Variants in ABCB5 observed in about 807,000 individuals in gnomAD.
ABCB5 encodes the protein ATP-binding cassette sub-family B member 5.
Under a neutral mutation model 144.2 loss-of-function variants are expected in ABCB5, and 155 were observed. The observed-to-expected ratio is 1.08, with a 90% CI of 0.94 to 1.23. The LOEUF is 1.23. Ranked by LOEUF, ABCB5 falls within the 50% of genes most tolerant of loss-of-function variation. ABCB5 has a pLI of 0.00. For missense variants in ABCB5, 1,830 were observed against 1,520.8 expected (o/e 1.20, Z -3.38); for synonymous variants, 610 against 528.6 (o/e 1.15, Z -2.11).
At chr7:20,643,097 C>A in intron 5 of ABCB5, 87 bp from the exon 6 acceptor site, 1 of 1,171,562 alleles carries the variant, frequency 8.5e-7, no homozygotes, top group Non-Finnish European at 1.2e-6. Context: ...TAAATTTCCT[C>A]AATCAAATAC....
chr7:20,647,436 T>C, intron 9 of ABCB5, 99 bp from the exon 10 acceptor site: 1 of 1,413,784 alleles, frequency 7.1e-7, no homozygotes, highest in East Asian at 2.7e-5. Flanking sequence ...ATTCCTCTAA[T>C]ATCTCTCTGT....
chr7:20,707,133 A>T (rs1786851323), intron 20 of ABCB5, among the ~76,000 whole-genome samples: 1 of 152,166 alleles, frequency 6.6e-6, no homozygotes. Flanking sequence ...AATAAGTCAT[A>T]CTCATCTCAA....
chr7:20,751,895 G>T (rs1782941848), intron 26 of ABCB5, among the ~76,000 whole-genome samples: 1 of 152,218 alleles, frequency 6.6e-6, no homozygotes. Flanking sequence ...CGTCAGAGAA[G>T]ATATTTTTAC....
chr7:20,732,735 C>A (rs1246912767), intron 23 of ABCB5, among the ~76,000 whole-genome samples: 1 of 152,124 alleles, frequency 6.6e-6, no homozygotes, highest in African/African-American at 2.4e-5. Context: ...TCGAGGGCAA[C>A]CATTGATATA....
In ABCB5 at chr7:20,650,066, C is replaced by T. The variant is rs777696771; in HGVS notation, c.1251C>T (p.Val417=). ...TCAGAATTAAGTCTGGAGAGACAGT[C>T]GCCTTGGTCGGTCTCAATGGCAGTG... is the stretch of plus-strand genomic sequence containing the variant. ...LNLRIKSGET[V]ALVGLNGSGK... Residue 417 remains valine, a synonymous_variant, in exon 12 of 28, where the codon GTC becomes GTT. Transcript: ENST00000404938. The T allele has an allele frequency of 1.9e-5, 31 of 1,613,350 alleles. No individual in the cohort carries two copies. Among genetic ancestry groups the T allele is most frequent in the Non-Finnish European group, 2.5e-5 (29 of 1,179,624 alleles).
intron 11 of ABCB5, 131 bp downstream of exon 11, chr7:20,648,209 G>A: frequency 3.2e-6 from 2 of 621,172 alleles, no homozygotes; most frequent in Non-Finnish European, 5.7e-6. Flanking sequence ...GAGACTTGAG[G>A]AGGTAGATAA....
At chr7:20,675,345 A>G (rs1785567462) in intron 14 of ABCB5, among the ~76,000 whole-genome samples, 1 of 151,538 alleles carries the variant, frequency 6.6e-6, no homozygotes, top group Admixed American at 6.6e-5. Context: ...ATGTATGCAT[A>G]TATAATCAAC....
chr7:20,650,286 T>C, intron 12 of ABCB5, 139 bp downstream of exon 12: 1 of 1,143,726 alleles, frequency 8.7e-7, no homozygotes, highest in Non-Finnish European at 1.2e-6. Flanking sequence ...TTTGTATCCA[T>C]TCACTCAGCA....
Position 20,644,607 on chromosome 7 carries a change from T to G in ABCB5, c.678+975T>G, listed in dbSNP as rs181936492. 7.2e-5 allele frequency among the ~76,000 whole-genome samples: 11 copies of G among 152,334 alleles called. No homozygotes were observed. The East Asian group carries it at 2.1e-3, about 29-fold the overall frequency. ...GAAATCTAAAAACAACAAATGTATC[T>G]GTAATATTATTCTTCAAATCATATC... On this transcript the variant is annotated intron_variant, in intron 7 of 27. Transcript: ENST00000404938.
chr7:20,720,866 C>T (rs1006543092), intron 20 of ABCB5, among the ~76,000 whole-genome samples: 2 of 148,276 alleles, frequency 1.3e-5, no homozygotes, highest in Non-Finnish European at 3.0e-5. Context: ...ATGGCGTGAA[C>T]CCGGGAGGCG....
At chr7:20,747,599 T>C (rs1782769758) in intron 26 of ABCB5, among the ~76,000 whole-genome samples, 1 of 152,220 alleles carries the variant, frequency 6.6e-6, no homozygotes, top group Non-Finnish European at 1.5e-5. Flanking sequence ...TCTATTCTTT[T>C]TATTGTACCA....
rs1172285058 is a variant in ABCB5 at position 20,726,358 on chromosome 7, C to CTTTTTTTTT, written c.2626-666_2626-658dup. 2.2e-3 allele frequency among the ~76,000 whole-genome samples: 176 copies of CTTTTTTTTT among 78,438 alleles called. 11 individuals carry two copies. Among genetic ancestry groups the CTTTTTTTTT allele is most frequent in the Middle Eastern group, 0.017 (1 of 60 alleles). 51.5% of individuals were successfully genotyped at this position (78,438 alleles called of 152,430 possible). A position where few individuals can be genotyped will look rare whatever the true frequency, so the allele number is the denominator to read the frequency against. ...TATGTGATTACTTTATCTCTGCTAT[C>CTTTTTTTTT]TTTTTTTTTTTTTTTTTTTTTTTTG... On this transcript the variant is annotated intron_variant, in intron 21 of 27. Transcript: ENST00000404938.
At chr7:20,639,647 A>G (rs1784248575) in intron 5 of ABCB5, among the ~76,000 whole-genome samples, 1 of 152,210 alleles carries the variant, frequency 6.6e-6, no homozygotes, top group African/African-American at 2.4e-5. Flanking sequence ...CTAAAAATCA[A>G]CTGCCAATAA....
At chr7:20,755,366 C>T in intron 27 of ABCB5, 61 bp from the exon 28 acceptor site, 1 of 1,485,246 alleles carries the variant, frequency 6.7e-7, no homozygotes, top group Non-Finnish European at 9.3e-7. Flanking sequence ...ATTGATTTGA[C>T]TTAGGTAAGT....
At chr7:20,636,969 A>G (rs1036406282) in intron 5 of ABCB5, among the ~76,000 whole-genome samples, 31 of 152,118 alleles carry the variant, frequency 2.0e-4, no homozygotes, top group African/African-American at 6.8e-4. Flanking sequence ...TATCCGATAC[A>G]TAGGATACAT....
At position 20,746,389 on chromosome 7, in the gene ABCB5, C is replaced by T. The variant is rs571813375; in HGVS notation, c.3429+951C>T. Among the ~76,000 whole-genome samples, 75 of 152,340 alleles carry T rather than the reference C, an allele frequency of 4.9e-4. 1 individual carries two copies. The highest frequency in any genetic ancestry group is 2.9e-3 in the East Asian group (15 of 5,178). On this transcript the variant is annotated intron_variant, in intron 26 of 27. Transcript: ENST00000404938. ...CTGGGATTACAGGCGTGAGCCATCG[C>T]GCCCGGCAAGTAGCACCTTAACTTT... is the stretch of plus-strand genomic sequence containing the variant.
At chr7:20,659,759 G>C (rs1299939827) in intron 14 of ABCB5, 25 of 985,490 alleles carry the variant, frequency 2.5e-5, no homozygotes, top group Non-Finnish European at 2.9e-5. Flanking sequence ...CCATGCTTGA[G>C]TGCAACCTCT....
chr7:20,662,710 T>C (rs1031268439), intron 14 of ABCB5, among the ~76,000 whole-genome samples: 1 of 151,670 alleles, frequency 6.6e-6, no homozygotes, highest in Admixed American at 6.6e-5. Flanking sequence ...ACCTGCTTAA[T>C]CAAGCTCACA....
At chr7:20,668,624 G>A (rs1410032856) in intron 14 of ABCB5, among the ~76,000 whole-genome samples, 9 of 143,908 alleles carry the variant, frequency 6.3e-5, no homozygotes, top group Admixed American at 1.4e-4. Context: ...CCGGCCAGCC[G>A]CCCCGTCCGG....
Sources: allele counts gnomAD v4.1 joint callset (sites outside exome capture counted in the v4.1 genomes callset), GRCh38; gene constraint gnomAD v4.1.1; transcripts MANE v1.5; gene names NCBI Gene and HGNC (gene_info 2026-07-23, HGNC 2026-07-21).